PCYT1A: variants seen among roughly 807,000 people sequenced by gnomAD.
The protein encoded by PCYT1A is phosphate cytidylyltransferase 1A, choline.
PCYT1A carries 25 observed loss-of-function variants against 43.7 expected under a neutral mutation model. That is an observed-to-expected ratio of 0.57 (90% CI 0.42 to 0.80). PCYT1A has a LOEUF of 0.80. Among genes scored for constraint, PCYT1A ranks in the 30% least tolerant of loss-of-function variants. The probability of loss-of-function intolerance (pLI) is 0.00; values close to 1 mark genes in which losing one functional copy is unlikely to be tolerated. For missense variants in PCYT1A, 421 were observed against 474.2 expected (o/e 0.89, Z 1.04); for synonymous variants, 172 against 170.7 (o/e 1.01, Z -0.06).
intron 3 of PCYT1A, among the ~76,000 whole-genome samples, chr3:196,256,351 G>A (rs865823924): frequency 1.3e-5 from 2 of 152,064 alleles, no homozygotes; most frequent in African/African-American, 4.8e-5. Context: ...TTAGCCAGGC[G>A]TGGTGGTGCA....
At position 196,247,426 on chromosome 3, in the gene PCYT1A, C is replaced by T; in HGVS notation, c.427G>A (p.Asp143Asn). Residue 143 changes from aspartate to asparagine, a missense_variant, in exon 5 of 9, where the codon GAT (aspartate) becomes AAT (asparagine). This residue lies in a region of PCYT1A where 174 missense variants were observed against 270.7 expected (regional missense o/e 0.64). Transcript: ENST00000431016. The surrounding 1 kb of genome is among the most constrained non-coding windows in gnomAD (Gnocchi z 4.8). ...CAGGGCGCATTCCTCACCACCTCAT[C>T]CACGTAGCGGCAGTGCTGGACTGCG... ...YDAVQHCRYV[D>N]EVVRNAPWTL... 1 of 1,614,232 alleles carries T rather than the reference C, an allele frequency of 6.2e-7. No homozygotes were observed. Among genetic ancestry groups the T allele is most frequent in the South Asian group, 1.1e-5 (1 of 91,090 alleles).
chr3:196,257,809 C>T lies in PCYT1A; in HGVS notation c.196G>A (p.Glu66Lys). The change falls in exon 3 of 9, where the codon GAA (glutamate) becomes AAA (lysine). Residue 66 changes from glutamate to lysine, a missense_variant. Transcript: ENST00000431016. ...SKPYVRVTME[E>K]ASRGTPCERP... ...TTACAAGGAGTTCCTCTGCTGGCTT[C>T]TTCCATAGTTACCCTGACATAGGGC... 6.2e-7 allele frequency: 1 copy of T among 1,607,414 alleles called. No homozygotes were observed. Among genetic ancestry groups the T allele is most frequent in the South Asian group, 1.1e-5 (1 of 90,916 alleles).
At position 196,248,238 on chromosome 3, in the gene PCYT1A, G is replaced by C. The variant is rs776823706; in HGVS notation, c.303C>G (p.Asn101Lys). The C allele has an allele frequency of 1.9e-6, 3 of 1,611,544 alleles. No individual in the cohort carries two copies. Among genetic ancestry groups the C allele is most frequent in the East Asian group, 4.5e-5 (2 of 44,880 alleles). ...CAATGAGGTACGTATTAGGGAAAAGGTTCTTCGCTTGCATCAGAGCTCGGG... is the reference window on the plus strand; with the variant it reads ...CAATGAGGTACGTATTAGGGAAAAGCTTCTTCGCTTGCATCAGAGCTCGGG... ...GHARALMQAK[N>K]LFPNTYLIVG... The change falls in exon 4 of 9, where the codon AAC becomes AAG. Residue 101 changes from asparagine (N) to lysine (K), a missense_variant. Asn to Lys is a moderately conservative substitution (Grantham distance 94). Transcript: ENST00000431016.
intron 7 of PCYT1A, chr3:196,241,435 G>T: frequency 1.9e-6 from 2 of 1,079,936 alleles, no homozygotes; most frequent in Non-Finnish European, 2.5e-6. Context: ...CAGTCCTCCC[G>T]CCTCAGCCTC....
rs893641531 is a variant in PCYT1A at position 196,243,493 on chromosome 3, T to TCCCTCTCCCCTCTCCCTTCTC, written c.487-874_487-854dup. 1.4e-4 allele frequency among the ~76,000 whole-genome samples: 22 copies of TCCCTCTCCCCTCTCCCTTCTC among 151,844 alleles called. 1 individual carries two copies. In the South Asian group the frequency reaches 2.1e-3, roughly 14 times the overall value. On this transcript the variant is annotated intron_variant, in intron 5 of 8. Coordinates refer to ENST00000431016, the MANE Select transcript of PCYT1A (RefSeq NM_001312673.2). ...ACCGAAGGCCATAAGAGAAGTTTTC[T>TCCCTCTCCCCTCTCCCTTCTC]CCCTCTCCCCTCTCCCTTCTCCCCT...
In PCYT1A at chr3:196,252,101, C is replaced by CTG. The variant is rs1724816687; in HGVS notation, c.218-3779_218-3778insCA. Among the ~76,000 whole-genome samples, 4 of 151,588 alleles carry CTG rather than the reference C, an allele frequency of 2.6e-5. No individual in the cohort carries two copies. The highest frequency in any genetic ancestry group is 2.1e-4 in the South Asian group (1 of 4,810). On this transcript the variant is annotated intron_variant, in intron 3 of 8. Transcript: ENST00000431016. This position sits in a 1 kb window ranked among gnomAD's most constrained non-coding sequence, Gnocchi z 4.0. ...CTACAGCGCACCCCGCCACGCCCCG[C>CTG]AGACTACAGCGCACCCCGCCACGCC...
At chr3:196,267,913 G>A (rs965149299) in intron 2 of PCYT1A, among the ~76,000 whole-genome samples, 3 of 152,162 alleles carry the variant, frequency 2.0e-5, no homozygotes, top group Non-Finnish European at 2.9e-5. Flanking sequence ...AAGTACAGGT[G>A]TACAGTGAGA....
chr3:196,264,907 C>T (rs1725222300), intron 2 of PCYT1A, among the ~76,000 whole-genome samples: 1 of 151,406 alleles, frequency 6.6e-6, no homozygotes, highest in African/African-American at 2.4e-5. Flanking sequence ...TAGAGGTTCT[C>T]GAAACATTTT....
intron 2 of PCYT1A, chr3:196,267,303 G>A (rs969093061): frequency 2.2e-6 from 1 of 456,554 alleles, no homozygotes; most frequent in Non-Finnish European, 4.4e-6. Flanking sequence ...TTGTATGAAT[G>A]TCCAGAACAG....
intron 1 of PCYT1A, among the ~76,000 whole-genome samples, chr3:196,286,440 C>T (rs922706870): frequency 2.0e-5 from 3 of 152,114 alleles, no homozygotes; most frequent in Non-Finnish European, 2.9e-5. Context: ...AGAAATCATC[C>T]GGTCCAATGT....
chr3:196,270,075 G>A (rs2108777582), intron 2 of PCYT1A, among the ~76,000 whole-genome samples: 1 of 152,168 alleles, frequency 6.6e-6, no homozygotes, highest in South Asian at 2.1e-4. Flanking sequence ...GTTTCACCAG[G>A]CTGGTCTCAA....
intron 1 of PCYT1A, among the ~76,000 whole-genome samples, chr3:196,276,112 C>A (rs1263190905): frequency 2.0e-4 from 30 of 146,950 alleles, no homozygotes; most frequent in Non-Finnish European, 2.9e-4. Context: ...AAAAAAAAAA[C>A]CAAAACAAAA....
rs114918990 is a variant in PCYT1A, at chr3:196,270,747, G to C, written c.-10-206C>G. Among the ~76,000 whole-genome samples the C allele has an allele frequency of 8.3e-3, 1,266 of 152,264 alleles. 16 individuals carry two copies. Among genetic ancestry groups the C allele is most frequent in the African/African-American group, 0.028 (1,174 of 41,546 alleles). Reference sequence around the variant, plus strand: ...AGTAGAAATACTGAAACGCCTCTCTGTGCAACAATGGCCACAGTGAATTGC... The same window carrying C: ...AGTAGAAATACTGAAACGCCTCTCTCTGCAACAATGGCCACAGTGAATTGC... On this transcript the variant is annotated intron_variant, in intron 1 of 8. Transcript: ENST00000431016.
At chr3:196,262,967 T>G (rs1305729032) in intron 2 of PCYT1A, among the ~76,000 whole-genome samples, 1 of 151,932 alleles carries the variant, frequency 6.6e-6, no homozygotes, top group Non-Finnish European at 1.5e-5. Flanking sequence ...CTTAATTTTT[T>G]TAGTTTTAGT....
chr3:196,244,083 G>T (rs1577355656), intron 5 of PCYT1A, among the ~76,000 whole-genome samples: 1 of 149,276 alleles, frequency 6.7e-6, no homozygotes, highest in East Asian at 2.1e-4. Context: ...CGTCTGAGAT[G>T]TGGGGAGCGC....
At chr3:196,283,216 A>G (rs1315906670) in intron 1 of PCYT1A, among the ~76,000 whole-genome samples, 2 of 152,106 alleles carry the variant, frequency 1.3e-5, no homozygotes, top group Non-Finnish European at 2.9e-5. Flanking sequence ...GGGCACCTGT[A>G]ATCCCAGCTG....
At chr3:196,258,636 G>A (rs1440055276) in intron 2 of PCYT1A, among the ~76,000 whole-genome samples, 1 of 150,392 alleles carries the variant, frequency 6.6e-6, no homozygotes, top group African/African-American at 2.5e-5. Flanking sequence ...TGCCCAGGCT[G>A]GAGTGCACTG....
chr3:196,267,309 A>AATCC (rs1243777530), intron 2 of PCYT1A: 1 of 456,650 alleles, frequency 2.2e-6, no homozygotes, highest in Admixed American at 2.3e-5. Flanking sequence ...GAATGTCCAG[A>AATCC]ACAGGCAAAT....
intron 3 of PCYT1A, among the ~76,000 whole-genome samples, 163 bp from the exon 4 acceptor site, chr3:196,248,486 C>A (rs1724641635): frequency 6.6e-6 from 1 of 151,796 alleles, no homozygotes; most frequent in South Asian, 2.1e-4. Context: ...ATTCTCCTGC[C>A]TCAGCCTCCC....
Sources: gnomAD v4.1 joint callset for allele counts (sites outside exome capture counted in the v4.1 genomes callset) on GRCh38, gnomAD v4.1.1 for gene constraint, gnomAD v4.1.1 regional missense constraint, Gnocchi (gnomAD v3.1) non-coding constraint, MANE v1.5 for transcripts, NCBI Gene and HGNC (gene_info 2026-07-23, HGNC 2026-07-21) for gene names.